CCDC148: variants seen among roughly 807,000 people sequenced by gnomAD.
CCDC148 encodes coiled-coil domain containing 148.
A neutral mutation model predicts 85.7 loss-of-function variants in CCDC148; 89 were observed. That is an observed-to-expected ratio of 1.04 (90% CI 0.87 to 1.24). The LOEUF is 1.24. Among genes scored for constraint, CCDC148 ranks in the 50% most tolerant of loss-of-function variants. The pLI is 0.00. For synonymous variants in CCDC148, 230 were observed against 213.9 expected (o/e 1.08, Z -0.66); for missense variants, 692 against 671.7 (o/e 1.03, Z -0.33).
chr2:158,416,305 T>G (rs1686497304), intron 1 of CCDC148, among the ~76,000 whole-genome samples: 1 of 152,166 alleles, frequency 6.6e-6, no homozygotes, highest in Non-Finnish European at 1.5e-5. Context: ...CTTGAAGGCA[T>G]TTTCCCTATT....
In CCDC148 at chr2:158,456,578, A is replaced by T; in HGVS notation, c.-139T>A. 9.2e-7 allele frequency: 1 copy of T among 1,091,832 alleles called. No individual in the cohort carries two copies. Among genetic ancestry groups the T allele is most frequent in the Non-Finnish European group, 1.3e-6 (1 of 770,768 alleles). The allele number at this position is 1,091,832 out of a possible 1,614,324, so 67.6% of individuals were successfully genotyped here. ...TTTGACGCCAGGGACAAACCCTACC[A>T]GGCACAGTTGGGATTGGCAGTAAGG... On this transcript the variant is annotated 5_prime_UTR_variant, in exon 1 of 14. Coordinates refer to ENST00000283233, the MANE Select transcript of CCDC148 (RefSeq NM_138803.4).
chr2:158,402,866 A>T (rs79655425), intron 1 of CCDC148, among the ~76,000 whole-genome samples: 6,519 of 152,150 alleles, frequency 0.043, 461 homozygotes, highest in African/African-American at 0.15. Flanking sequence ...TAATATCTTT[A>T]TTTGAAGGTC....
intron 1 of CCDC148, among the ~76,000 whole-genome samples, chr2:158,395,744 C>A (rs115648075): frequency 0.016 from 2,388 of 152,246 alleles, 30 homozygotes; most frequent in Middle Eastern, 0.048. Flanking sequence ...TCTGGATTCA[C>A]ACCCCACACT....
chr2:158,229,751 C>G (rs535148417), intron 10 of CCDC148, among the ~76,000 whole-genome samples: 1 of 152,218 alleles, frequency 6.6e-6, no homozygotes, highest in South Asian at 2.1e-4. Context: ...TCATCTGTCC[C>G]CTCCTCTCCC....
intron 5 of CCDC148, 129 bp downstream of exon 5, chr2:158,340,113 T>C (rs1366636600): frequency 3.0e-6 from 2 of 672,434 alleles, no homozygotes; most frequent in South Asian, 3.6e-5. Flanking sequence ...TGCCCTTCTA[T>C]TTAAATATTA....
intron 1 of CCDC148, among the ~76,000 whole-genome samples, chr2:158,365,305 G>A (rs948283384): frequency 1.3e-5 from 2 of 152,026 alleles, no homozygotes; most frequent in Non-Finnish European, 2.9e-5. Context: ...CCCATTACTG[G>A]GTACATACCC....
chr2:158,377,219 A>G (rs1294397567), intron 1 of CCDC148, among the ~76,000 whole-genome samples: 1 of 151,382 alleles, frequency 6.6e-6, no homozygotes, highest in Non-Finnish European at 1.5e-5. Flanking sequence ...GCTCTTCCTT[A>G]GAGAAAGAGG....
intron 11 of CCDC148, among the ~76,000 whole-genome samples, chr2:158,181,962 G>T (rs1010911390): frequency 1.3e-5 from 2 of 151,870 alleles, no homozygotes; most frequent in African/African-American, 4.8e-5. Flanking sequence ...CTCATAGGAG[G>T]TTGGGAAAAG....
intron 11 of CCDC148, among the ~76,000 whole-genome samples, chr2:158,207,255 A>G (rs1157248589): frequency 6.6e-6 from 1 of 152,218 alleles, no homozygotes; most frequent in Non-Finnish European, 1.5e-5. Context: ...AAGACGACAG[A>G]TAGCCAATTG....
At chr2:158,396,812 T>C (rs1041562304) in intron 1 of CCDC148, among the ~76,000 whole-genome samples, 1 of 152,078 alleles carries the variant, frequency 6.6e-6, no homozygotes, top group African/African-American at 2.4e-5. Flanking sequence ...ACTACTATTA[T>C]TATTATTGCT....
chr2:158,365,381 C>T (rs1165255727), intron 1 of CCDC148, among the ~76,000 whole-genome samples: 1 of 152,072 alleles, frequency 6.6e-6, no homozygotes, highest in East Asian at 1.9e-4. Flanking sequence ...GCACTGTTCA[C>T]AATAGAAAAG....
At chr2:158,234,158 A>T (rs192682629) in intron 10 of CCDC148, among the ~76,000 whole-genome samples, 1 of 152,254 alleles carries the variant, frequency 6.6e-6, no homozygotes, top group East Asian at 1.9e-4. Flanking sequence ...CCTGGGCAAC[A>T]GAGCGAGACT....
chr2:158,394,133 C>T (rs1685431316), intron 1 of CCDC148, among the ~76,000 whole-genome samples: 1 of 151,978 alleles, frequency 6.6e-6, no homozygotes, highest in African/African-American at 2.4e-5. Context: ...AACCACTGTC[C>T]ATCAGTTTTG....
intron 8 of CCDC148, among the ~76,000 whole-genome samples, chr2:158,311,198 G>A (rs747281470): frequency 5.3e-5 from 8 of 152,224 alleles, no homozygotes; most frequent in Non-Finnish European, 1.2e-4. Flanking sequence ...CACTGAGTGA[G>A]CCAAACTCCG....
intron 10 of CCDC148, among the ~76,000 whole-genome samples, chr2:158,226,985 G>A (rs1246549903): frequency 2.0e-5 from 3 of 152,074 alleles, no homozygotes; most frequent in East Asian, 1.9e-4. Flanking sequence ...GAAATAAAGG[G>A]TATTCAATTA....
chr2:158,199,897 C>T (rs1685865959), intron 11 of CCDC148, among the ~76,000 whole-genome samples: 1 of 152,162 alleles, frequency 6.6e-6, no homozygotes, highest in Admixed American at 6.5e-5. Context: ...TTTCTGCCTC[C>T]ATAAACTTGC....
intron 7 of CCDC148, among the ~76,000 whole-genome samples, chr2:158,337,942 T>C (rs1682473105): frequency 6.6e-6 from 1 of 152,210 alleles, no homozygotes; most frequent in Non-Finnish European, 1.5e-5. Context: ...ATAAACCTTT[T>C]ATTTTAATTT....
Position 158,266,961 on chromosome 2 carries a change from T to C in CCDC148, c.1111-16049A>G, listed in dbSNP as rs1689491327. On this transcript the variant is annotated intron_variant, in intron 9 of 13. Coordinates refer to ENST00000283233, the MANE Select transcript of CCDC148 (RefSeq NM_138803.4). ...ATATATATGTGTGTGTGTATATATA[T>C]ATATACACATATATATATGTTTCTT... Among the ~76,000 whole-genome samples, 4 of 151,140 alleles carry C rather than the reference T, an allele frequency of 2.6e-5. No homozygotes were observed. In the South Asian group the frequency reaches 8.3e-4, roughly 31 times the overall value.
At chr2:158,359,761 C>T (rs372276945) in intron 1 of CCDC148, among the ~76,000 whole-genome samples, 1 of 152,320 alleles carries the variant, frequency 6.6e-6, no homozygotes, top group East Asian at 1.9e-4. Flanking sequence ...TTACAGCAGA[C>T]ACCAAGCTAG....
Sources: allele counts gnomAD v4.1 joint callset (sites outside exome capture counted in the v4.1 genomes callset), GRCh38; gene constraint gnomAD v4.1.1; transcripts MANE v1.5; gene names NCBI Gene and HGNC (gene_info 2026-07-23, HGNC 2026-07-21).